Variants in TJP2 observed in about 807,000 individuals in gnomAD.
The protein encoded by TJP2 is tight junction protein 2, also known as Friedreich ataxia region gene X104 (tight junction protein ZO-2).
In TJP2, 91 loss-of-function variants were observed where a neutral mutation model predicts 133.1. The ratio of observed to expected loss-of-function variants is 0.68; its 90% CI spans 0.58 to 0.81. The LOEUF (loss-of-function observed/expected upper bound fraction) is 0.81, where lower values mean the gene tolerates loss of function less well. Among genes scored for constraint, TJP2 ranks in the 40% least tolerant of loss-of-function variants. The pLI is 0.00. For synonymous variants in TJP2, 592 were observed against 583.4 expected, an observed-to-expected ratio of 1.01 and a Z score of -0.21; for missense variants, 1,541 against 1,565.6, an observed-to-expected ratio of 0.98 and a Z score of 0.26.
Position 69,230,185 on chromosome 9 carries a change from A to T in TJP2, c.1624A>T (p.Thr542Ser), listed in dbSNP as rs1437215136. Residue 542 changes from threonine to serine, a missense_variant, in exon 11 of 23, where the codon ACC becomes TCC. Coordinates refer to ENST00000377245, the MANE Select transcript of TJP2 (RefSeq NM_004817.4). ...GIFVAGIQEG[T>S]SAEQEGLQEG... ...ATTTGTTGCTGGCATTCAAGAAGGG[A>T]CCTCGGCGGAGCAGGAGGGCCTTCA... The T allele has an allele frequency of 1.4e-5, 23 of 1,614,136 alleles. No homozygotes were observed. Among genetic ancestry groups the T allele is most frequent in the Non-Finnish European group, 1.8e-5 (21 of 1,180,026 alleles).
rs533148293 is a variant in TJP2 at position 69,127,243 on chromosome 9, G to C, written c.-131+5518G>C. Among the ~76,000 whole-genome samples, 5 of 74,166 alleles carry C rather than the reference G, an allele frequency of 6.7e-5. 2 individuals carry two copies. In the East Asian group the frequency reaches 2.0e-3, roughly 30 times the overall value. The allele number at this position is 74,166 out of a possible 152,430, so 48.7% of individuals were successfully genotyped here. A position where few individuals can be genotyped will look rare whatever the true frequency, so the allele number is the denominator to read the frequency against. ...CGCCACCACGCCCGGCTAATTTTTT[G>C]TATTTTTAGTAGAAACGGGGTTTCA... On this transcript the variant is annotated intron_variant, in intron 1 of 5. Transcript: ENST00000423935.
chr9:69,220,108 C>T (rs1392320227), intron 4 of TJP2, among the ~76,000 whole-genome samples: 2 of 152,112 alleles, frequency 1.3e-5, no homozygotes, highest in African/African-American at 2.4e-5. Context: ...TGAGTACAGT[C>T]CAGCCTGGGC....
chr9:69,141,838 C>G (rs1241780095), intron 1 of TJP2, among the ~76,000 whole-genome samples: 2 of 152,192 alleles, frequency 1.3e-5, no homozygotes, highest in Non-Finnish European at 2.9e-5. Flanking sequence ...ATCCACCCAC[C>G]TCGGCCTGCC....
upstream of TJP2, among the ~76,000 whole-genome samples, chr9:69,170,375 T>C (rs1186170492): frequency 6.6e-6 from 1 of 152,254 alleles, no homozygotes; most frequent in African/African-American, 2.4e-5. Flanking sequence ...TTGATAATTA[T>C]AGCATTATCA....
intron 1 of TJP2, among the ~76,000 whole-genome samples, chr9:69,142,633 A>G (rs1031716162): frequency 6.6e-6 from 1 of 152,170 alleles, no homozygotes; most frequent in African/African-American, 2.4e-5. Context: ...TTCCCTTTTT[A>G]TACTTCCAAA....
intron 1 of TJP2, among the ~76,000 whole-genome samples, chr9:69,180,209 T>A (rs1825398411): frequency 6.6e-6 from 1 of 151,770 alleles, no homozygotes; most frequent in African/African-American, 2.4e-5. Context: ...ATAGTTATTC[T>A]TACTGGTAGG....
At chr9:69,242,086 A>G (rs954967512) in intron 17 of TJP2, among the ~76,000 whole-genome samples, 7 of 152,228 alleles carry the variant, frequency 4.6e-5, no homozygotes, top group African/African-American at 1.7e-4. Flanking sequence ...ATTACAGTGC[A>G]TTGTAGAGGA....
chr9:69,170,363 TG>T (rs1824613874), upstream of TJP2, among the ~76,000 whole-genome samples: 4 of 152,336 alleles, frequency 2.6e-5, no homozygotes, highest in South Asian at 8.3e-4. Flanking sequence ...TGTGTTTTTT[TG>T]TTGATAATTA....
intron 20 of TJP2, among the ~76,000 whole-genome samples, chr9:69,250,390 C>G (rs1356415110): frequency 2.0e-5 from 3 of 152,208 alleles, no homozygotes; most frequent in Admixed American, 1.3e-4. Context: ...AGGCGTGAGC[C>G]ACTGCGCCCA....
At chr9:69,222,334 G>A (rs1232514588) in intron 5 of TJP2, among the ~76,000 whole-genome samples, 3 of 150,716 alleles carry the variant, frequency 2.0e-5, no homozygotes, top group Admixed American at 1.3e-4. Context: ...CTGCCACCAC[G>A]CCCGGCTAAT....
chr9:69,210,769 T>C (rs1247155695), intron 1 of TJP2, among the ~76,000 whole-genome samples: 1 of 137,574 alleles, frequency 7.3e-6, no homozygotes, highest in Non-Finnish European at 1.5e-5. Context: ...TTTTTCTTAT[T>C]AAATATACAG....
chr9:69,142,592 A>G lies in TJP2; in HGVS notation c.-130-9059A>G, dbSNP rs186904962. ...GCTCCTGAAAAGCAGACCACACCCTATAAAACAGACTGTACAGGGCATTAG... is the reference window on the plus strand; with the variant it reads ...GCTCCTGAAAAGCAGACCACACCCTGTAAAACAGACTGTACAGGGCATTAG... On this transcript the variant is annotated intron_variant, in intron 1 of 5. Transcript: ENST00000423935. Among the ~76,000 whole-genome samples, 309 of 128,436 alleles carry G rather than the reference A, an allele frequency of 2.4e-3. 1 individual carries two copies. The highest frequency in any genetic ancestry group is 8.3e-3 in the African/African-American group (285 of 34,386). The allele number at this position is 128,436 out of a possible 152,430, so 84.3% of individuals were successfully genotyped here. A position where few individuals can be genotyped will look rare whatever the true frequency, so the allele number is the denominator to read the frequency against.
Position 69,185,896 on chromosome 9 carries a change from T to C in TJP2, c.60+11464T>C, listed in dbSNP as rs9411196. Among the ~76,000 whole-genome samples, 695 of 135,276 alleles carry C rather than the reference T, an allele frequency of 5.1e-3. 7 individuals are homozygous for C. The highest frequency in any genetic ancestry group is 0.018 in the African/African-American group (651 of 36,542). The allele number at this position is 135,276 out of a possible 152,430, so 88.7% of individuals were successfully genotyped here. A position where few individuals can be genotyped will look rare whatever the true frequency, so the allele number is the denominator to read the frequency against. ...TAATGTAGTCCTTTTTTTTTTTTTTTCTTTTTTTGGAGACGGAGTCTCGGT... is the reference window on the plus strand; with the variant it reads ...TAATGTAGTCCTTTTTTTTTTTTTTCCTTTTTTTGGAGACGGAGTCTCGGT... On this transcript the variant is annotated intron_variant, in intron 1 of 22. Coordinates refer to ENST00000377245, the MANE Select transcript of TJP2 (RefSeq NM_004817.4).
At chr9:69,152,900 G>A (rs976233775) in intron 2 of TJP2, among the ~76,000 whole-genome samples, 1 of 133,990 alleles carries the variant, frequency 7.5e-6, no homozygotes, top group African/African-American at 2.8e-5. Flanking sequence ...GTGCGATCTC[G>A]GCTCACTGCA....
chr9:69,227,145 A>T (rs1829416200), intron 7 of TJP2, among the ~76,000 whole-genome samples: 1 of 151,886 alleles, frequency 6.6e-6, no homozygotes, highest in African/African-American at 2.4e-5. Flanking sequence ...TTTTAAAGGA[A>T]TTTCTTTGTA....
intron 1 of TJP2, among the ~76,000 whole-genome samples, chr9:69,180,806 C>T (rs1259498732): frequency 2.0e-5 from 3 of 152,200 alleles, no homozygotes; most frequent in African/African-American, 7.2e-5. Flanking sequence ...CGTTACCCTT[C>T]TGCAGTCTGG....
intron 1 of TJP2, among the ~76,000 whole-genome samples, chr9:69,187,846 G>A (rs555118501): frequency 2.0e-5 from 3 of 152,284 alleles, no homozygotes; most frequent in Admixed American, 6.5e-5. Flanking sequence ...AAGGGAGAAG[G>A]TGAGTCTCAA....
chr9:69,216,993 T>C (rs1026069211), intron 3 of TJP2, among the ~76,000 whole-genome samples: 2 of 150,668 alleles, frequency 1.3e-5, no homozygotes, highest in Middle Eastern at 3.2e-3. Flanking sequence ...TCTTTTCTTT[T>C]TTTTTTTTTT....
intron 14 of TJP2, 25 bp downstream of exon 14, chr9:69,237,161 A>G: frequency 6.2e-7 from 1 of 1,613,714 alleles, no homozygotes; most frequent in Non-Finnish European, 8.5e-7. Flanking sequence ...TGGGGCCTGG[A>G]AATGAACTGA....
Sources: gnomAD v4.1 joint callset for allele counts (sites outside exome capture counted in the v4.1 genomes callset) on GRCh38, gnomAD v4.1.1 for gene constraint, MANE v1.5 for transcripts, NCBI Gene and HGNC (gene_info 2026-07-23, HGNC 2026-07-21) for gene names.